XYLT1: variants seen among roughly 807,000 people sequenced by gnomAD.
XYLT1 encodes xylosyltransferase 1.
XYLT1 carries 36 observed loss-of-function variants against 91.3 expected under a neutral mutation model. The ratio of observed to expected loss-of-function variants is 0.39; its 90% CI spans 0.30 to 0.52. The LOEUF (loss-of-function observed/expected upper bound fraction) is 0.52, where lower values mean the gene tolerates loss of function less well. Among genes scored for constraint, XYLT1 ranks in the 20% least tolerant of loss-of-function variants. The pLI, the probability that XYLT1 is intolerant of heterozygous loss-of-function variation, is 0.68. For synonymous variants in XYLT1, 588 were observed against 532.0 expected, an observed-to-expected ratio of 1.11 and a Z score of -1.45; for missense variants, 1,242 against 1,284.5, an observed-to-expected ratio of 0.97 and a Z score of 0.51.
intron 1 of XYLT1, among the ~76,000 whole-genome samples, chr16:17,363,206 T>C (rs2035406763): frequency 6.6e-6 from 1 of 152,208 alleles, no homozygotes; most frequent in Non-Finnish European, 1.5e-5. Flanking sequence ...AGGGACACTG[T>C]CACTTAGCTG....
At chr16:17,405,076 G>A (rs935849633) in intron 1 of XYLT1, among the ~76,000 whole-genome samples, 12 of 149,978 alleles carry the variant, frequency 8.0e-5, no homozygotes, top group Admixed American at 4.6e-4. Context: ...TCGCCACCCC[G>A]CGCCACCTCT....
At chr16:17,469,485 T>A (rs1252782228) in intron 1 of XYLT1, among the ~76,000 whole-genome samples, 1 of 152,178 alleles carries the variant, frequency 6.6e-6, no homozygotes, top group Non-Finnish European at 1.5e-5. Flanking sequence ...CTCAGTAGGC[T>A]GGGCAAGGCA....
intron 2 of XYLT1, among the ~76,000 whole-genome samples, chr16:17,302,898 G>T (rs548104519): frequency 6.6e-6 from 1 of 152,066 alleles, no homozygotes; most frequent in Non-Finnish European, 1.5e-5. Flanking sequence ...GAATGGGTGA[G>T]GGGGAGAGAA....
intron 1 of XYLT1, among the ~76,000 whole-genome samples, chr16:17,373,358 G>T (rs2035559908): frequency 6.6e-6 from 1 of 152,162 alleles, no homozygotes; most frequent in Admixed American, 6.5e-5. Flanking sequence ...GGCTTGAGAG[G>T]CTGCTTTTTG....
chr16:17,140,960 T>C (rs940559679), intron 7 of XYLT1, among the ~76,000 whole-genome samples, 193 bp downstream of exon 7: 16 of 152,138 alleles, frequency 1.1e-4, no homozygotes, highest in African/African-American at 3.9e-4. Context: ...TAGCACCGTG[T>C]GTCTACTCCA....
chr16:17,153,885 G>A (rs1013015978), intron 6 of XYLT1, among the ~76,000 whole-genome samples: 7 of 152,204 alleles, frequency 4.6e-5, no homozygotes, highest in Non-Finnish European at 1.0e-4. Context: ...TGCACACCTC[G>A]AGAGCGTAAA....
chr16:17,237,678 C>T (rs1023644534), intron 3 of XYLT1, among the ~76,000 whole-genome samples: 5 of 152,230 alleles, frequency 3.3e-5, no homozygotes, highest in African/African-American at 1.2e-4. Context: ...CTACAGGATG[C>T]TCCAATATTC....
chr16:17,447,107 A>G (rs560647532), intron 1 of XYLT1, among the ~76,000 whole-genome samples: 78 of 151,594 alleles, frequency 5.1e-4, no homozygotes, highest in Non-Finnish European at 9.3e-4. Context: ...CTTCCCCACC[A>G]ACTCATAGAC....
intron 2 of XYLT1, among the ~76,000 whole-genome samples, chr16:17,324,899 G>GT (rs775334401): frequency 2.6e-5 from 4 of 151,528 alleles, no homozygotes; most frequent in African/African-American, 4.8e-5. Flanking sequence ...ACTCATGAAA[G>GT]TTATTTTTAA....
chr16:17,374,745 C>T (rs746150634), intron 1 of XYLT1, among the ~76,000 whole-genome samples: 1 of 151,488 alleles, frequency 6.6e-6, no homozygotes, highest in African/African-American at 2.4e-5. Context: ...GGTTAGAAAA[C>T]ATCAATTTGC....
intron 1 of XYLT1, among the ~76,000 whole-genome samples, chr16:17,462,871 T>C (rs1471554633): frequency 1.3e-5 from 2 of 152,150 alleles, no homozygotes; most frequent in Non-Finnish European, 2.9e-5. Context: ...AATGAGTTCA[T>C]GCACAAAGAG....
intron 1 of XYLT1, among the ~76,000 whole-genome samples, chr16:17,445,073 C>G (rs1045707154): frequency 6.6e-6 from 1 of 152,242 alleles, no homozygotes; most frequent in Non-Finnish European, 1.5e-5. Flanking sequence ...GATCTCAGCT[C>G]ACTACAACCT....
chr16:17,225,772 A>G (rs191707766), intron 3 of XYLT1, among the ~76,000 whole-genome samples: 1 of 152,202 alleles, frequency 6.6e-6, no homozygotes, highest in Non-Finnish European at 1.5e-5. Context: ...GGTAAGTTAC[A>G]ATGCCCCATG....
At chr16:17,318,843 A>T (rs543985482) in intron 2 of XYLT1, among the ~76,000 whole-genome samples, 37 of 148,958 alleles carry the variant, frequency 2.5e-4, no homozygotes, top group African/African-American at 9.2e-4. Flanking sequence ...GCTGAAGGGC[A>T]GTGGCACGAT....
At chr16:17,268,888 G>T (rs568254874) in intron 2 of XYLT1, among the ~76,000 whole-genome samples, 2 of 152,090 alleles carry the variant, frequency 1.3e-5, no homozygotes, top group Non-Finnish European at 2.9e-5. Flanking sequence ...GGCCAGGCTG[G>T]TCTCAAACTC....
At chr16:17,374,642 G>GAA (rs10622995) in intron 1 of XYLT1, among the ~76,000 whole-genome samples, 44,030 of 144,246 alleles carry the variant, frequency 0.31, 7,000 homozygotes, top group Non-Finnish European at 0.38. Flanking sequence ...ATTACAGACA[G>GAA]AAAAAAAAAA....
chr16:17,391,409 C>T (rs1381261474), intron 1 of XYLT1, among the ~76,000 whole-genome samples: 1 of 152,188 alleles, frequency 6.6e-6, no homozygotes, highest in African/African-American at 2.4e-5. Context: ...TTGAAAAACA[C>T]TAGCCTCAAA....
In XYLT1 at chr16:17,107,414, G is replaced by C. The variant is rs1431346749; in HGVS notation, c.*1281C>G. On this transcript the variant is annotated 3_prime_UTR_variant, in exon 12 of 12. Coordinates refer to ENST00000261381, the MANE Select transcript of XYLT1 (RefSeq NM_022166.4). ...CTGGTGAACAGGGATGACACTCCAG[G>C]GGGCTCGTGGCAAGGAAACCTTTTG... 1 of 152,404 alleles carries C rather than the reference G, an allele frequency of 6.6e-6. No homozygotes were observed. The highest frequency in any genetic ancestry group is 1.5e-5 in the Non-Finnish European group (1 of 68,032). The allele number at this position is 152,404 out of a possible 1,614,324, so 9.4% of individuals were successfully genotyped here. A position where few individuals can be genotyped will look rare whatever the true frequency, so the allele number is the denominator to read the frequency against.
intron 3 of XYLT1, among the ~76,000 whole-genome samples, chr16:17,205,395 A>G (rs935139938): frequency 1.3e-5 from 2 of 152,248 alleles, no homozygotes; most frequent in African/African-American, 4.8e-5. Context: ...TGGGAGGAGA[A>G]AGCAAGGTGC....
Sources: gnomAD v4.1 joint callset for allele counts (sites outside exome capture counted in the v4.1 genomes callset) on GRCh38, gnomAD v4.1.1 for gene constraint, MANE v1.5 for transcripts, NCBI Gene and HGNC (gene_info 2026-07-23, HGNC 2026-07-21) for gene names.